Variants in TSPAN5 observed in about 807,000 individuals in gnomAD.
TSPAN5 encodes the protein tetraspanin-5.
TSPAN5 carries 10 observed loss-of-function variants against 37.1 expected under a neutral mutation model. That is an observed-to-expected ratio of 0.27 (90% CI 0.17 to 0.46). TSPAN5 has a LOEUF of 0.46. Among genes scored for constraint, TSPAN5 ranks in the 20% least tolerant of loss-of-function variants. The pLI, the probability that TSPAN5 is intolerant of heterozygous loss-of-function variation, is 1.00. For synonymous variants in TSPAN5, 110 were observed against 118.9 expected, an observed-to-expected ratio of 0.93 and a Z score of 0.48; for missense variants, 195 against 326.6, an observed-to-expected ratio of 0.60 and a Z score of 3.11.
chr4:98,476,123 G>A lies in TSPAN5; in HGVS notation c.741+66C>T, dbSNP rs1234424240. ...AATCAAGGTTTTTAAGCAAAGCTCCGATCCTGGCAAGGGCTCTCCCAGGGC... is the reference window on the plus strand; with the variant it reads ...AATCAAGGTTTTTAAGCAAAGCTCCAATCCTGGCAAGGGCTCTCCCAGGGC... On this transcript the variant is annotated intron_variant, in intron 7 of 7. Transcript: ENST00000305798. The A allele has an allele frequency of 3.6e-5, 46 of 1,281,702 alleles. No homozygotes were observed. In the East Asian group the frequency reaches 6.5e-4, roughly 18 times the overall value. The allele number at this position is 1,281,702 out of a possible 1,614,324, so 79.4% of individuals were successfully genotyped here.
At chr4:98,495,506 C>G (rs6837627) in intron 2 of TSPAN5, among the ~76,000 whole-genome samples, 1 of 145,080 alleles carries the variant, frequency 6.9e-6, no homozygotes, top group African/African-American at 2.6e-5. Context: ...CACTACAGCC[C>G]GGGAGACAGA....
chr4:98,564,097 T>C (rs1446294508), intron 1 of TSPAN5, among the ~76,000 whole-genome samples: 2 of 152,314 alleles, frequency 1.3e-5, no homozygotes, highest in Middle Eastern at 3.4e-3. Context: ...TATCACACTA[T>C]ATTGAAGAAA....
At chr4:98,612,696 G>A (rs1043035566) in intron 1 of TSPAN5, among the ~76,000 whole-genome samples, 3 of 151,890 alleles carry the variant, frequency 2.0e-5, no homozygotes, top group Non-Finnish European at 2.9e-5. Flanking sequence ...CGCTCCCCGC[G>A]GGGCTCCCCC....
intron 1 of TSPAN5, among the ~76,000 whole-genome samples, chr4:98,614,903 C>A (rs1756285122): frequency 6.6e-6 from 1 of 152,226 alleles, no homozygotes; most frequent in Admixed American, 6.5e-5. Flanking sequence ...AATGCCATCG[C>A]AGCCAACAGC....
chr4:98,645,126 T>C (rs1289487958), intron 1 of TSPAN5, among the ~76,000 whole-genome samples: 2 of 152,174 alleles, frequency 1.3e-5, no homozygotes, highest in African/African-American at 4.8e-5. Flanking sequence ...TTTTCAACTA[T>C]CTTTTCATCC....
At chr4:98,653,610 T>TA (rs1011052711) in intron 1 of TSPAN5, among the ~76,000 whole-genome samples, 2 of 152,178 alleles carry the variant, frequency 1.3e-5, no homozygotes, top group Non-Finnish European at 2.9e-5. Flanking sequence ...GCCAAAGTAC[T>TA]AGACTAAGGC....
intron 1 of TSPAN5, among the ~76,000 whole-genome samples, chr4:98,588,254 CT>C (rs1560548811): frequency 3.3e-5 from 5 of 152,082 alleles, no homozygotes; most frequent in Admixed American, 2.0e-4. Flanking sequence ...ACTGAGAAGC[CT>C]TTTAAATGAG....
chr4:98,530,379 C>T (rs966645767), intron 1 of TSPAN5, among the ~76,000 whole-genome samples: 3 of 152,302 alleles, frequency 2.0e-5, no homozygotes, highest in South Asian at 4.2e-4. Context: ...GTGAAGGAGA[C>T]AATGATATCC....
At position 98,634,243 on chromosome 4, in the gene TSPAN5, C is replaced by T. The variant is rs141096873; in HGVS notation, c.81+23903G>A. On this transcript the variant is annotated intron_variant, in intron 1 of 7. Coordinates refer to ENST00000305798, the MANE Select transcript of TSPAN5 (RefSeq NM_005723.4). ...TATACATGGGAGTATCAAGATTTAT[C>T]ACAAGGGCTTGACTGGCAGGGAGTG... Among the ~76,000 whole-genome samples the T allele has an allele frequency of 4.1e-3, 622 of 152,290 alleles. 4 individuals are homozygous for T. Among genetic ancestry groups the T allele is most frequent in the African/African-American group, 0.014 (591 of 41,566 alleles).
chr4:98,556,044 C>CT lies in TSPAN5; in HGVS notation c.82-48317_82-48316insA, dbSNP rs1754742641. Among the ~76,000 whole-genome samples, 10 of 119,358 alleles carry CT rather than the reference C, an allele frequency of 8.4e-5. 1 individual carries two copies. The highest frequency in any genetic ancestry group is 1.4e-4 in the Non-Finnish European group (8 of 58,136). The allele number at this position is 119,358 out of a possible 152,430, so 78.3% of individuals were successfully genotyped here. A position where few individuals can be genotyped will look rare whatever the true frequency, so the allele number is the denominator to read the frequency against. On this transcript the variant is annotated intron_variant, in intron 1 of 7. Coordinates refer to ENST00000305798, the MANE Select transcript of TSPAN5 (RefSeq NM_005723.4). ...CACCCCCACACACACAGCACCCCCA[C>CT]ACACACACACACACACACACAGGTA... is the stretch of plus-strand genomic sequence containing the variant.
chr4:98,613,358 A>T (rs1289066325), intron 1 of TSPAN5, among the ~76,000 whole-genome samples: 4 of 152,150 alleles, frequency 2.6e-5, no homozygotes, highest in Admixed American at 2.6e-4. Flanking sequence ...CTCTTATGGT[A>T]TTTCCAGATA....
chr4:98,605,384 C>G (rs748177384), intron 1 of TSPAN5, among the ~76,000 whole-genome samples: 13 of 152,094 alleles, frequency 8.5e-5, no homozygotes, highest in Non-Finnish European at 1.3e-4. Flanking sequence ...AAAGTTGGTG[C>G]CAGAACTGTT....
chr4:98,604,798 A>G (rs1380123183), intron 1 of TSPAN5, among the ~76,000 whole-genome samples: 2 of 152,186 alleles, frequency 1.3e-5, no homozygotes, highest in African/African-American at 2.4e-5. Flanking sequence ...TCCTTATGTG[A>G]CTATTTAATC....
Position 98,578,192 on chromosome 4 carries a change from C to A in TSPAN5, c.82-70464G>T, listed in dbSNP as rs140571191. ...ACACAGCCCAAGTCTCACAGAACCT[C>A]CCCTTGAGACATGAACTTGCAACAT... On this transcript the variant is annotated intron_variant, in intron 1 of 7. Transcript: ENST00000305798. Among the ~76,000 whole-genome samples, 258 of 152,280 alleles carry A rather than the reference C, an allele frequency of 1.7e-3. No individual in the cohort carries two copies. The Middle Eastern group carries it at 0.024, about 14-fold the overall frequency.
intron 1 of TSPAN5, among the ~76,000 whole-genome samples, chr4:98,559,549 G>T (rs571740955): frequency 1.4e-4 from 22 of 152,158 alleles, no homozygotes; most frequent in Non-Finnish European, 3.1e-4. Flanking sequence ...CTATTTTAAG[G>T]CAACTTTTTT....
At chr4:98,555,286 C>G (rs745634644) in intron 1 of TSPAN5, among the ~76,000 whole-genome samples, 2 of 152,182 alleles carry the variant, frequency 1.3e-5, no homozygotes, top group Non-Finnish European at 2.9e-5. Flanking sequence ...TCCAGTCACA[C>G]AGGCCTACTT....
chr4:98,478,604 CAAA>C (rs1752759269), intron 5 of TSPAN5, 78 bp downstream of exon 5: 2 of 1,587,064 alleles, frequency 1.3e-6, no homozygotes, highest in Non-Finnish European at 1.7e-6. Flanking sequence ...AGGGTTCAAC[CAAA>C]AAATCACTCT....
intron 1 of TSPAN5, among the ~76,000 whole-genome samples, chr4:98,533,310 A>G (rs1754143319): frequency 6.6e-6 from 1 of 152,014 alleles, no homozygotes; most frequent in Admixed American, 6.6e-5. Context: ...CTGTGAATCC[A>G]TCTGGTCCTG....
rs151289905 is a variant in TSPAN5 at position 98,516,215 on chromosome 4, T to C, written c.82-8487A>G. ...TTGTGGAGGATGGGCCTTCTCCCACTCTCTGGACAGATGAGTCACTAGGGT... is the reference window on the plus strand; with the variant it reads ...TTGTGGAGGATGGGCCTTCTCCCACCCTCTGGACAGATGAGTCACTAGGGT... On this transcript the variant is annotated intron_variant, in intron 1 of 7. Coordinates refer to ENST00000305798, the MANE Select transcript of TSPAN5 (RefSeq NM_005723.4). Among the ~76,000 whole-genome samples the C allele has an allele frequency of 3.6e-3, 544 of 152,284 alleles. 1 individual carries two copies. Among genetic ancestry groups the C allele is most frequent in the Non-Finnish European group, 6.1e-3 (413 of 68,028 alleles).
Sources: gnomAD v4.1 joint callset for allele counts (sites outside exome capture counted in the v4.1 genomes callset) on GRCh38, gnomAD v4.1.1 for gene constraint, MANE v1.5 for transcripts, NCBI Gene and HGNC (gene_info 2026-07-23, HGNC 2026-07-21) for gene names.